Variants in TAF3 observed in about 807,000 individuals in gnomAD.
TAF3 encodes the protein transcription initiation factor TFIID subunit 3.
A neutral mutation model predicts 80.6 loss-of-function variants in TAF3; 7 were observed. The ratio of observed to expected loss-of-function variants is 0.09; its 90% CI spans 0.05 to 0.16. The LOEUF is 0.16. TAF3 is among the 10% of genes least tolerant of loss of function. The pLI, the probability that TAF3 is intolerant of heterozygous loss-of-function variation, is 1.00. For missense variants in TAF3, 921 were observed against 1,140.2 expected (o/e 0.81, Z 2.77); for synonymous variants, 444 against 446.1 (o/e 1.00, Z 0.06).
chr10:7,958,924 G>A (rs896369282), intron 2 of TAF3, among the ~76,000 whole-genome samples: 1 of 152,144 alleles, frequency 6.6e-6, no homozygotes, highest in Non-Finnish European at 1.5e-5. Flanking sequence ...CACAAGGTCA[G>A]GACATCGAGA....
intron 2 of TAF3, among the ~76,000 whole-genome samples, chr10:7,829,180 A>AT (rs1836773678): frequency 6.6e-6 from 1 of 151,968 alleles, no homozygotes; most frequent in Admixed American, 6.6e-5. Context: ...AAAATAGACT[A>AT]TTTTTTAGAA....
chr10:8,004,665 G>C (rs1483443050), intron 4 of TAF3, among the ~76,000 whole-genome samples: 1 of 152,078 alleles, frequency 6.6e-6, no homozygotes, highest in Non-Finnish European at 1.5e-5. Context: ...TTTCTTCTTT[G>C]AGAGGAATTG....
chr10:7,818,897 G>A (rs755529254), intron 1 of TAF3, 22 bp downstream of exon 1: 3 of 1,388,724 alleles, frequency 2.2e-6, no homozygotes, highest in Middle Eastern at 2.5e-4. Flanking sequence ...GCTGGGTGCG[G>A]GAGGGCTGCC....
At chr10:7,882,154 TG>T (rs2131155365) in intron 2 of TAF3, among the ~76,000 whole-genome samples, 1 of 152,370 alleles carries the variant, frequency 6.6e-6, no homozygotes, top group East Asian at 1.9e-4. Flanking sequence ...AATTTCAAGA[TG>T]TTTTCTTATT....
At chr10:7,992,636 T>C (rs146296115) in intron 4 of TAF3, among the ~76,000 whole-genome samples, 1 of 149,012 alleles carries the variant, frequency 6.7e-6, no homozygotes, top group East Asian at 1.9e-4. Flanking sequence ...AGTGAAATAA[T>C]GAATGCACAT....
chr10:8,013,234 A>C (rs1017568494), intron 5 of TAF3, among the ~76,000 whole-genome samples: 3 of 152,182 alleles, frequency 2.0e-5, no homozygotes, highest in African/African-American at 7.2e-5. Flanking sequence ...CTTCAGGAGA[A>C]GGGCTTGGCT....
At chr10:7,888,848 T>A (rs1837434077) in intron 2 of TAF3, among the ~76,000 whole-genome samples, 1 of 152,226 alleles carries the variant, frequency 6.6e-6, no homozygotes, top group South Asian at 2.1e-4. Context: ...CCTGCCAGAT[T>A]CAAGGCTCTA....
chr10:7,868,488 C>T (rs1439638776), intron 2 of TAF3, among the ~76,000 whole-genome samples: 6 of 151,810 alleles, frequency 4.0e-5, no homozygotes, highest in African/African-American at 7.3e-5. Context: ...TGTGACATAG[C>T]GGCCAAGTTC....
At chr10:7,871,207 G>A (rs1481597981) in intron 2 of TAF3, among the ~76,000 whole-genome samples, 3 of 151,964 alleles carry the variant, frequency 2.0e-5, no homozygotes, top group Non-Finnish European at 2.9e-5. Context: ...GTTATTTCTT[G>A]TAAATCAGAC....
intron 2 of TAF3, among the ~76,000 whole-genome samples, chr10:7,846,527 G>T (rs1034756719): frequency 1.3e-5 from 2 of 151,972 alleles, no homozygotes; most frequent in African/African-American, 4.8e-5. Flanking sequence ...TTTTGTTTTT[G>T]AACAGTTTTA....
chr10:7,883,698 A>G (rs572826950), intron 2 of TAF3, among the ~76,000 whole-genome samples: 1 of 152,352 alleles, frequency 6.6e-6, no homozygotes, highest in East Asian at 1.9e-4. Context: ...TACTCTATGG[A>G]AGATTTTCCC....
chr10:7,854,517 T>A (rs1463532976), intron 2 of TAF3, among the ~76,000 whole-genome samples: 1 of 152,178 alleles, frequency 6.6e-6, no homozygotes, highest in Non-Finnish European at 1.5e-5. Flanking sequence ...GAGTATAATA[T>A]GGATTCAGAA....
Position 8,014,971 on chromosome 10 carries a change from G to A in TAF3, c.*220G>A. 2.4e-6 allele frequency: 1 copy of A among 423,508 alleles called. No individual in the cohort carries two copies. The highest frequency in any genetic ancestry group is 4.3e-6 in the Non-Finnish European group (1 of 231,610). The allele number at this position is 423,508 out of a possible 1,614,324, so 26.2% of individuals were successfully genotyped here. ...GGCAGTGCGACAGAAGGAAACTCAA[G>A]CAGAGGCGTGGCCTGGGGGCTGCCC... On this transcript the variant is annotated 3_prime_UTR_variant, in exon 7 of 7. Transcript: ENST00000344293.
At chr10:8,000,346 A>G (rs915046170) in intron 4 of TAF3, among the ~76,000 whole-genome samples, 2 of 151,980 alleles carry the variant, frequency 1.3e-5, no homozygotes, top group African/African-American at 4.8e-5. Context: ...CGAACTCCCA[A>G]CCTCAGGTGA....
At chr10:7,931,376 G>C (rs1837868025) in intron 2 of TAF3, among the ~76,000 whole-genome samples, 1 of 152,070 alleles carries the variant, frequency 6.6e-6, no homozygotes, top group South Asian at 2.1e-4. Context: ...TTTTCCTGCT[G>C]ACCCTGAAAT....
intron 2 of TAF3, among the ~76,000 whole-genome samples, chr10:7,831,176 G>A (rs977700036): frequency 6.6e-6 from 1 of 151,968 alleles, no homozygotes; most frequent in Admixed American, 6.6e-5. Context: ...TAACTTAATG[G>A]CATAGTTTAT....
At chr10:7,859,538 C>T (rs889885654) in intron 2 of TAF3, among the ~76,000 whole-genome samples, 2 of 152,088 alleles carry the variant, frequency 1.3e-5, no homozygotes, top group Non-Finnish European at 2.9e-5. Context: ...GGGCACTGGC[C>T]GGGTTTCACC....
chr10:7,842,366 C>A (rs115376823), intron 2 of TAF3, among the ~76,000 whole-genome samples: 1 of 151,604 alleles, frequency 6.6e-6, no homozygotes, highest in Admixed American at 6.6e-5. Flanking sequence ...CAGTATATTG[C>A]CCTGGCTGGT....
At chr10:7,857,111 T>C (rs1289240006) in intron 2 of TAF3, among the ~76,000 whole-genome samples, 1 of 152,212 alleles carries the variant, frequency 6.6e-6, no homozygotes, top group Non-Finnish European at 1.5e-5. Flanking sequence ...TTTTCCTTTA[T>C]GTTAATGAGG....
Sources: allele counts gnomAD v4.1 joint callset (sites outside exome capture counted in the v4.1 genomes callset), GRCh38; gene constraint gnomAD v4.1.1; transcripts MANE v1.5; gene names NCBI Gene and HGNC (gene_info 2026-07-23, HGNC 2026-07-21).